The following UBAC2 variants were observed in gnomAD, a reference collection of about 807,000 sequenced individuals.
UBAC2 encodes the protein ubiquitin-associated domain-containing protein 2.
Under a neutral mutation model 44.0 loss-of-function variants are expected in UBAC2, and 26 were observed. The ratio of observed to expected loss-of-function variants is 0.59; its 90% CI spans 0.43 to 0.82. The LOEUF (loss-of-function observed/expected upper bound fraction) is 0.82. UBAC2 is among the 40% of genes least tolerant of loss of function. UBAC2 has a pLI of 0.00. For missense variants in UBAC2, 329 were observed against 419.4 expected (o/e 0.78, Z 1.88); for synonymous variants, 155 against 154.3 (o/e 1.00, Z -0.04).
intron 1 of UBAC2, among the ~76,000 whole-genome samples, chr13:99,229,187 C>T (rs941847935): frequency 2.0e-5 from 3 of 152,162 alleles, no homozygotes; most frequent in Admixed American, 6.5e-5. Flanking sequence ...CCTGGCTGCT[C>T]ATAGTAGTGT....
Position 99,244,598 on chromosome 13 carries a change from T to C in UBAC2, c.363T>C (p.Thr121=). The change falls in exon 4 of 9, where the codon ACT becomes ACC. Residue 121 remains threonine (T), a synonymous_variant. Coordinates refer to ENST00000403766, the MANE Select transcript of UBAC2 (RefSeq NM_001144072.2). The part of the protein sequence containing the change: ...IEAMQYFFGI[T]AASNLPSGFL... ...CTATGCAGTATTTCTTTGGCATCAC[T>C]GCAGCTAGTAATTTGCCTTCTGGAT... The C allele has an allele frequency of 6.2e-7, 1 of 1,612,642 alleles. No individual in the cohort carries two copies. The highest frequency in any genetic ancestry group is 8.5e-7 in the Non-Finnish European group (1 of 1,178,910).
chr13:99,216,834 CTT>C (rs11338165), intron 1 of UBAC2, among the ~76,000 whole-genome samples: 75 of 140,590 alleles, frequency 5.3e-4, no homozygotes, highest in Non-Finnish European at 5.4e-4. Context: ...TTTCTTTTTT[CTT>C]TTTTTTTTTT....
intron 6 of UBAC2, among the ~76,000 whole-genome samples, chr13:99,338,955 T>G (rs916841216): frequency 1.3e-5 from 2 of 152,230 alleles, no homozygotes; most frequent in African/African-American, 4.8e-5. Flanking sequence ...GTCCATAGAA[T>G]ATTTGTGCAC....
chr13:99,234,166 C>T (rs1049502718), intron 1 of UBAC2, among the ~76,000 whole-genome samples: 8 of 136,582 alleles, frequency 5.9e-5, no homozygotes, highest in Admixed American at 1.6e-4. Flanking sequence ...TTGTGCTAGC[C>T]GTTTCTTTTT....
At chr13:99,249,186 C>T (rs576685042) in intron 4 of UBAC2, among the ~76,000 whole-genome samples, 2 of 151,874 alleles carry the variant, frequency 1.3e-5, no homozygotes, top group African/African-American at 4.8e-5. Flanking sequence ...CCGTCCTTCC[C>T]CCTCCCTTCT....
intron 7 of UBAC2, among the ~76,000 whole-genome samples, chr13:99,341,245 T>C (rs2044880875): frequency 6.6e-6 from 1 of 152,200 alleles, no homozygotes; most frequent in Admixed American, 6.5e-5. Flanking sequence ...GCCTCCACCT[T>C]CTTTACCCCT....
chr13:99,336,987 C>A (rs1402799470), intron 6 of UBAC2, among the ~76,000 whole-genome samples: 1 of 151,854 alleles, frequency 6.6e-6, no homozygotes, highest in African/African-American at 2.4e-5. Context: ...CTTCTGTGAC[C>A]CCTCCTAGCA....
At chr13:99,327,106 C>T (rs1044644246) in intron 6 of UBAC2, among the ~76,000 whole-genome samples, 1 of 152,176 alleles carries the variant, frequency 6.6e-6, no homozygotes, top group African/African-American at 2.4e-5. Context: ...GGTCCTCTCT[C>T]CATGCTTGGT....
At chr13:99,243,742 A>G in intron 2 of UBAC2, 90 bp from the exon 3 acceptor site, 6 of 1,158,392 alleles carry the variant, frequency 5.2e-6, no homozygotes, top group Non-Finnish European at 4.9e-6. Flanking sequence ...GACATTAAAA[A>G]TAGGCAGTGT....
chr13:99,215,485 A>G, intron 1 of UBAC2: 1 of 1,444,988 alleles, frequency 6.9e-7, no homozygotes, highest in Non-Finnish European at 9.7e-7. Context: ...ATCTGCACGA[A>G]TAGCAAGTTG....
At chr13:99,329,539 A>G (rs889257738) in intron 6 of UBAC2, among the ~76,000 whole-genome samples, 2 of 152,224 alleles carry the variant, frequency 1.3e-5, no homozygotes, top group African/African-American at 4.8e-5. Flanking sequence ...GTGACTCCCA[A>G]GAGCAGATCA....
chr13:99,349,341 T>C (rs1001026716), intron 7 of UBAC2, among the ~76,000 whole-genome samples: 2 of 152,162 alleles, frequency 1.3e-5, no homozygotes, highest in African/African-American at 2.4e-5. Flanking sequence ...ACAGTGAGCA[T>C]AGGGTCCAGC....
chr13:99,366,572 C>A (rs1034166459), intron 7 of UBAC2, among the ~76,000 whole-genome samples: 3 of 152,116 alleles, frequency 2.0e-5, no homozygotes, highest in Non-Finnish European at 4.4e-5. Flanking sequence ...GTTCTTAATT[C>A]TCAGGCAGGA....
chr13:99,231,042 C>T (rs1566457574), intron 1 of UBAC2, among the ~76,000 whole-genome samples: 3 of 149,826 alleles, frequency 2.0e-5, no homozygotes, highest in South Asian at 2.1e-4. Context: ...AGGGAGACTC[C>T]GTCTCAAAAA....
chr13:99,228,940 GTAAC>G (rs2043143152), intron 1 of UBAC2, among the ~76,000 whole-genome samples: 1 of 152,216 alleles, frequency 6.6e-6, no homozygotes, highest in African/African-American at 2.4e-5. Context: ...AGTGTCAACT[GTAAC>G]TGGTAAATTC....
At chr13:99,228,390 CG>C (rs747919834) in intron 1 of UBAC2, among the ~76,000 whole-genome samples, 7 of 151,786 alleles carry the variant, frequency 4.6e-5, no homozygotes, top group Non-Finnish European at 1.0e-4. Flanking sequence ...TGGGTTCAAG[CG>C]ATTCTCCTGC....
rs2045350171 is a variant in UBAC2 at position 99,367,772 on chromosome 13, T to G, written c.808-15T>G. 2.5e-6 allele frequency: 4 copies of G among 1,613,990 alleles called. No individual in the cohort carries two copies. The highest frequency in any genetic ancestry group is 3.4e-6 in the Non-Finnish European group (4 of 1,179,862). ...TCCTTCTGTGTCTGATAACTGTGTG[T>G]TGATCTCTTTTTAGGGAGGAATGAT... On this transcript the variant is annotated splice_polypyrimidine_tract_variant and intron_variant, in intron 7 of 8. Transcript: ENST00000403766.
At chr13:99,363,319 T>C (rs2045289920) in intron 7 of UBAC2, among the ~76,000 whole-genome samples, 1 of 152,216 alleles carries the variant, frequency 6.6e-6, no homozygotes, top group Non-Finnish European at 1.5e-5. Context: ...AGTTTTGAGC[T>C]TTAACTTCAA....
At chr13:99,298,432 G>A (rs548555063) in intron 4 of UBAC2, among the ~76,000 whole-genome samples, 46 of 152,102 alleles carry the variant, frequency 3.0e-4, no homozygotes, top group Non-Finnish European at 4.3e-4. Context: ...TGGAAATTTC[G>A]AAATGCTTAG....
Sources: allele counts gnomAD v4.1 joint callset (sites outside exome capture counted in the v4.1 genomes callset), GRCh38; gene constraint gnomAD v4.1.1; transcripts MANE v1.5; gene names NCBI Gene and HGNC (gene_info 2026-07-23, HGNC 2026-07-21).